Variants in KCNJ3 observed in about 807,000 individuals in gnomAD.
KCNJ3 encodes potassium inwardly rectifying channel subfamily J member 3.
In KCNJ3, 4 loss-of-function variants were observed where a neutral mutation model predicts 39.2. The ratio of observed to expected loss-of-function variants is 0.10; its 90% CI spans 0.05 to 0.23. The LOEUF is 0.23. KCNJ3 is among the 10% of genes least tolerant of loss of function. The pLI is 1.00. For synonymous variants in KCNJ3, 230 were observed against 237.4 expected (o/e 0.97, Z 0.29); for missense variants, 276 against 634.9 (o/e 0.43, Z 6.08).
intron 2 of KCNJ3, among the ~76,000 whole-genome samples, chr2:154,735,228 AGG>A (rs1685508877): frequency 6.6e-6 from 1 of 150,412 alleles, no homozygotes; most frequent in South Asian, 2.1e-4. Context: ...CTGGGACTAC[AGG>A]GGCCCGCCAC....
At chr2:154,703,472 C>CATATAT (rs144343878) in intron 1 of KCNJ3, among the ~76,000 whole-genome samples, 2 of 141,808 alleles carry the variant, frequency 1.4e-5, no homozygotes, top group Non-Finnish European at 3.1e-5. Flanking sequence ...TTTTATCCTC[C>CATATAT]ATATATATGT....
In KCNJ3 at chr2:154,779,441, T is replaced by A. The variant is rs939924455; in HGVS notation, c.919+69622T>A. On this transcript the variant is annotated intron_variant, in intron 2 of 2. Transcript: ENST00000295101. Reference sequence around the variant, plus strand: ...ACTAGACTTGATATACATATATATATGTATATATATTTTATATATATATGT... The same window carrying A: ...ACTAGACTTGATATACATATATATAAGTATATATATTTTATATATATATGT... Among the ~76,000 whole-genome samples the A allele has an allele frequency of 1.2e-4, 18 of 144,154 alleles. No homozygotes were observed. In the East Asian group the frequency reaches 2.1e-3, roughly 17 times the overall value. The allele number at this position is 144,154 out of a possible 152,430, so 94.6% of individuals were successfully genotyped here. A position where few individuals can be genotyped will look rare whatever the true frequency, so the allele number is the denominator to read the frequency against.
chr2:154,719,441 A>G (rs759638015), intron 2 of KCNJ3, among the ~76,000 whole-genome samples: 1 of 152,176 alleles, frequency 6.6e-6, no homozygotes, highest in Non-Finnish European at 1.5e-5. Flanking sequence ...GGTAGAAAAC[A>G]GTGAAAATCA....
In KCNJ3 at chr2:154,699,204, C is replaced by A. The variant is rs924210450; in HGVS notation, c.429C>A (p.Thr143=). ...AFLFFIETEA[T]IGYGYRYITD... is the part of the protein sequence containing the mutation. Reference sequence around the variant, plus strand: ...TCTTCTTCATCGAGACGGAGGCCACCATCGGCTATGGCTACCGATACATCA... The same window carrying A: ...TCTTCTTCATCGAGACGGAGGCCACAATCGGCTATGGCTACCGATACATCA... Residue 143 remains threonine, a synonymous_variant, in exon 1 of 3, where the codon ACC becomes ACA. Coordinates refer to ENST00000295101, the MANE Select transcript of KCNJ3 (RefSeq NM_002239.4). This position sits in a 1 kb window ranked among gnomAD's most constrained non-coding sequence, Gnocchi z 6.4. 4.3e-6 allele frequency: 7 copies of A among 1,614,124 alleles called. No individual in the cohort carries two copies. Among genetic ancestry groups the A allele is most frequent in the Non-Finnish European group, 5.9e-6 (7 of 1,180,050 alleles).
At position 154,698,976 on chromosome 2, in the gene KCNJ3, C is replaced by T. The variant is rs1457756210; in HGVS notation, c.201C>T (p.Tyr67=). Residue 67 remains tyrosine, a synonymous_variant, in exon 1 of 3, where the codon TAC becomes TAT. Coordinates refer to ENST00000295101, the MANE Select transcript of KCNJ3 (RefSeq NM_002239.4). ...ACCTGGGCAGCGAGACAAGCCGCTA[C>T]CTCTCGGACCTCTTCACCACGCTGG... The part of the protein sequence containing the change: ...HGNLGSETSR[Y]LSDLFTTLVD... 6.8e-6 allele frequency: 11 copies of T among 1,614,184 alleles called. No individual in the cohort carries two copies. The highest frequency in any genetic ancestry group is 9.3e-6 in the Non-Finnish European group (11 of 1,180,040).
intron 2 of KCNJ3, among the ~76,000 whole-genome samples, chr2:154,820,203 C>A (rs1029186238): frequency 3.3e-5 from 5 of 152,230 alleles, no homozygotes; most frequent in African/African-American, 1.2e-4. Flanking sequence ...AGGATCCAAC[C>A]CAGGATCCCT....
chr2:154,797,519 A>G (rs1242342918), intron 2 of KCNJ3, among the ~76,000 whole-genome samples: 3 of 152,122 alleles, frequency 2.0e-5, no homozygotes. Context: ...TTATGCATAG[A>G]AGCAAACACG....
At chr2:154,786,835 C>T (rs781283143) in intron 2 of KCNJ3, among the ~76,000 whole-genome samples, 8 of 152,028 alleles carry the variant, frequency 5.3e-5, no homozygotes, top group Non-Finnish European at 7.4e-5. Flanking sequence ...TATTGTTTTT[C>T]GTTGAAGAGC....
At chr2:154,739,297 T>C (rs1038824428) in intron 2 of KCNJ3, among the ~76,000 whole-genome samples, 3 of 152,084 alleles carry the variant, frequency 2.0e-5, no homozygotes, top group Admixed American at 1.3e-4. Flanking sequence ...TTTTCAACTG[T>C]GTCAAAAATT....
chr2:154,777,470 C>T (rs757792181), intron 2 of KCNJ3, among the ~76,000 whole-genome samples: 7 of 152,162 alleles, frequency 4.6e-5, no homozygotes, highest in African/African-American at 9.7e-5. Flanking sequence ...AAATTTATAA[C>T]TTATCTTCCT....
At chr2:154,729,224 C>T (rs1049692585) in intron 2 of KCNJ3, among the ~76,000 whole-genome samples, 1 of 152,148 alleles carries the variant, frequency 6.6e-6, no homozygotes, top group East Asian at 1.9e-4. Context: ...GCACATTTAG[C>T]ATGACTTGAA....
At chr2:154,808,029 C>T (rs1394561809) in intron 2 of KCNJ3, among the ~76,000 whole-genome samples, 2 of 151,988 alleles carry the variant, frequency 1.3e-5, no homozygotes, top group Non-Finnish European at 2.9e-5. Flanking sequence ...AATCTACCTG[C>T]ACCCAGATCT....
At chr2:154,786,181 T>C (rs1686526224) in intron 2 of KCNJ3, among the ~76,000 whole-genome samples, 1 of 152,160 alleles carries the variant, frequency 6.6e-6, no homozygotes, top group South Asian at 2.1e-4. Flanking sequence ...GCTTTTAGAT[T>C]AGGGTTTTGA....
chr2:154,768,806 T>C (rs1686181346), intron 2 of KCNJ3, among the ~76,000 whole-genome samples: 1 of 152,246 alleles, frequency 6.6e-6, no homozygotes, highest in South Asian at 2.1e-4. Context: ...ATATTGATTC[T>C]TCCTATCCAT....
chr2:154,731,213 C>A (rs1558858748), intron 2 of KCNJ3, among the ~76,000 whole-genome samples: 1 of 151,948 alleles, frequency 6.6e-6, no homozygotes, highest in African/African-American at 2.4e-5. Context: ...CATTACCTGC[C>A]CTTCTATGTG....
chr2:154,767,483 G>C (rs1686156271), intron 2 of KCNJ3, among the ~76,000 whole-genome samples: 1 of 152,096 alleles, frequency 6.6e-6, no homozygotes, highest in African/African-American at 2.4e-5. Flanking sequence ...ATGGTTTCCA[G>C]CTTCATCCAT....
chr2:154,852,005 ATTTAC>A (rs1687764130), intron 2 of KCNJ3, among the ~76,000 whole-genome samples: 1 of 152,186 alleles, frequency 6.6e-6, no homozygotes, highest in African/African-American at 2.4e-5. Flanking sequence ...TTACTTCAAA[ATTTAC>A]TTTGTGATTG....
At chr2:154,784,879 A>G (rs1472463652) in intron 2 of KCNJ3, among the ~76,000 whole-genome samples, 2 of 152,176 alleles carry the variant, frequency 1.3e-5, no homozygotes, top group Non-Finnish European at 2.9e-5. Flanking sequence ...GAGCACAGTA[A>G]TAGTACCTAC....
At chr2:154,759,261 G>A (rs185744439) in intron 2 of KCNJ3, among the ~76,000 whole-genome samples, 1 of 152,036 alleles carries the variant, frequency 6.6e-6, no homozygotes. Context: ...GTGTGTAGTT[G>A]AACTAATACT....
Sources: gnomAD v4.1 joint callset for allele counts (sites outside exome capture counted in the v4.1 genomes callset) on GRCh38, gnomAD v4.1.1 for gene constraint, Gnocchi (gnomAD v3.1) non-coding constraint, MANE v1.5 for transcripts, NCBI Gene and HGNC (gene_info 2026-07-23, HGNC 2026-07-21) for gene names.